Variants in ASIC2 observed in about 807,000 individuals in gnomAD.
ASIC2 encodes the protein acid-sensing ion channel 2.
In ASIC2, 25 loss-of-function variants were observed where a neutral mutation model predicts 57.3. The observed-to-expected ratio is 0.44, with a 90% CI of 0.32 to 0.61. The LOEUF (loss-of-function observed/expected upper bound fraction) is 0.61. ASIC2 is among the 20% of genes least tolerant of loss of function. The pLI is 0.06. For synonymous variants in ASIC2, 319 were observed against 307.5 expected (o/e 1.04, Z -0.39); for missense variants, 641 against 738.1 (o/e 0.87, Z 1.52).
At chr17:33,551,013 T>A (rs1297215758) in intron 1 of ASIC2, among the ~76,000 whole-genome samples, 1 of 152,168 alleles carries the variant, frequency 6.6e-6, no homozygotes, top group Non-Finnish European at 1.5e-5. Flanking sequence ...TGTGCAGGAT[T>A]TCTTTTATTT....
intron 1 of ASIC2, among the ~76,000 whole-genome samples, chr17:33,863,908 T>C (rs1236073676): frequency 1.5e-5 from 1 of 64,794 alleles, no homozygotes; most frequent in Non-Finnish European, 3.5e-5. Flanking sequence ...TTGTTTTTTT[T>C]TTTTTTGTTT....
At chr17:33,380,265 A>G (rs28568503) in intron 1 of ASIC2, among the ~76,000 whole-genome samples, 15,949 of 127,864 alleles carry the variant, frequency 0.12, 1,624 homozygotes, top group African/African-American at 0.33. Flanking sequence ...AAAAAAAAAA[A>G]AAAGAAAGAA....
intron 1 of ASIC2, chr17:34,039,792 C>T: frequency 1.2e-6 from 2 of 1,610,728 alleles, no homozygotes; most frequent in South Asian, 2.2e-5. Context: ...TAAGTGGTCC[C>T]TTACTAACAC....
intron 1 of ASIC2, among the ~76,000 whole-genome samples, chr17:33,524,865 G>C (rs145796596): frequency 6.6e-6 from 1 of 152,072 alleles, no homozygotes; most frequent in African/African-American, 2.4e-5. Context: ...ACATTACAGC[G>C]CTGGGCTTCC....
chr17:33,112,366 G>A (rs572593663), intron 1 of ASIC2, among the ~76,000 whole-genome samples: 2 of 152,258 alleles, frequency 1.3e-5, no homozygotes, highest in African/African-American at 2.4e-5. Flanking sequence ...GGCATTAAAT[G>A]TCATCTGTAA....
chr17:33,105,677 G>T (rs1408399127), intron 2 of ASIC2, among the ~76,000 whole-genome samples: 3 of 152,180 alleles, frequency 2.0e-5, no homozygotes, highest in Non-Finnish European at 4.4e-5. Flanking sequence ...GACTTGAAGG[G>T]CTCAGAAGAC....
At chr17:33,065,239 C>T (rs2092038242) in intron 3 of ASIC2, among the ~76,000 whole-genome samples, 1 of 152,010 alleles carries the variant, frequency 6.6e-6, no homozygotes, top group South Asian at 2.1e-4. Flanking sequence ...TGCAGTGGCA[C>T]AGTCATAGCT....
intron 1 of ASIC2, among the ~76,000 whole-genome samples, chr17:33,658,290 C>G (rs972478305): frequency 6.6e-6 from 1 of 152,180 alleles, no homozygotes; most frequent in African/African-American, 2.4e-5. Context: ...AGCCAGGAAG[C>G]GAAGCATAGG....
At chr17:33,430,142 G>T (rs530330623) in intron 1 of ASIC2, among the ~76,000 whole-genome samples, 1 of 152,224 alleles carries the variant, frequency 6.6e-6, no homozygotes, top group East Asian at 1.9e-4. Context: ...CTGGCTCCTC[G>T]CTGGTCTTGT....
chr17:34,029,683 G>A (rs1597981900), intron 1 of ASIC2, among the ~76,000 whole-genome samples: 2 of 152,306 alleles, frequency 1.3e-5, no homozygotes, highest in East Asian at 3.9e-4. Flanking sequence ...TTTTCTCTCT[G>A]TCTGCACTGT....
At chr17:33,539,806 T>TTAAATGGGAGAGTGCAGGGAAC (rs1915350384) in intron 1 of ASIC2, among the ~76,000 whole-genome samples, 1 of 152,084 alleles carries the variant, frequency 6.6e-6, no homozygotes, top group South Asian at 2.1e-4. Flanking sequence ...TAGCAGGGAA[T>TTAAATGGGAGAGTGCAGGGAAC]TACATGGGAG....
At chr17:33,900,775 G>T (rs1915216034) in intron 1 of ASIC2, among the ~76,000 whole-genome samples, 1 of 152,138 alleles carries the variant, frequency 6.6e-6, no homozygotes, top group Non-Finnish European at 1.5e-5. Context: ...AGAGGGTGGG[G>T]GCTGCCCATT....
chr17:33,150,715 T>G (rs1281114418), intron 1 of ASIC2, among the ~76,000 whole-genome samples: 1 of 73,100 alleles, frequency 1.4e-5, no homozygotes, highest in Non-Finnish European at 2.8e-5. Flanking sequence ...CCGGGCGTAG[T>G]GGCGGGCGCC....
chr17:34,031,101 GAGGCACCCCCCAGT>G (rs1353390834), intron 1 of ASIC2, among the ~76,000 whole-genome samples: 1 of 152,230 alleles, frequency 6.6e-6, no homozygotes, highest in Non-Finnish European at 1.5e-5. Flanking sequence ...GCCTAACTGG[GAGGCACCCCCCAGT>G]AGGGGCAGAC....
At chr17:33,592,663 T>G (rs551248027) in intron 1 of ASIC2, among the ~76,000 whole-genome samples, 12 of 152,290 alleles carry the variant, frequency 7.9e-5, no homozygotes, top group African/African-American at 2.9e-4. Context: ...TAGATAGGAC[T>G]GGACTGCGAG....
At chr17:34,139,465 A>T (rs982309065) in intron 1 of ASIC2, among the ~76,000 whole-genome samples, 6 of 152,258 alleles carry the variant, frequency 3.9e-5, no homozygotes, top group East Asian at 1.9e-4. Flanking sequence ...TTGCCAAAAA[A>T]TGGAAATGAC....
intron 1 of ASIC2, among the ~76,000 whole-genome samples, chr17:33,119,264 C>T (rs2092292259): frequency 6.6e-6 from 1 of 152,186 alleles, no homozygotes; most frequent in South Asian, 2.1e-4. Context: ...TTGCACTGCT[C>T]CAAAATGCCT....
chr17:34,092,445 T>C (rs1372957641), intron 1 of ASIC2, among the ~76,000 whole-genome samples: 1 of 152,178 alleles, frequency 6.6e-6, no homozygotes, highest in Non-Finnish European at 1.5e-5. Flanking sequence ...GTCCCACCCT[T>C]GTCCCTCATG....
At chr17:33,401,214 G>C (rs551099963) in intron 1 of ASIC2, among the ~76,000 whole-genome samples, 25 of 152,256 alleles carry the variant, frequency 1.6e-4, no homozygotes, top group Middle Eastern at 3.4e-3. Flanking sequence ...ACTCCATAAG[G>C]CTAAAAAAGC....
Sources: gnomAD v4.1 joint callset for allele counts (sites outside exome capture counted in the v4.1 genomes callset) on GRCh38, gnomAD v4.1.1 for gene constraint, MANE v1.5 for transcripts, NCBI Gene and HGNC (gene_info 2026-07-23, HGNC 2026-07-21) for gene names.